TRIO: variants seen among roughly 807,000 people sequenced by gnomAD.
TRIO encodes the protein trio Rho guanine nucleotide exchange factor, also known as triple functional domain protein.
Under a neutral mutation model 351.9 loss-of-function variants are expected in TRIO, and 58 were observed. The observed-to-expected ratio is 0.16, with a 90% CI of 0.13 to 0.21. The LOEUF is 0.21. Ranked by LOEUF, TRIO falls within the 10% of genes least tolerant of loss-of-function variation. The pLI is 1.00. For missense variants in TRIO, 3,201 were observed against 4,027.8 expected (o/e 0.79, Z 5.56); for synonymous variants, 1,758 against 1,595.7 (o/e 1.10, Z -2.42).
At chr5:14,237,680 A>G (rs1793864211) in intron 1 of TRIO, among the ~76,000 whole-genome samples, 1 of 152,236 alleles carries the variant, frequency 6.6e-6, no homozygotes, top group South Asian at 2.1e-4. Context: ...AACCCTCTAC[A>G]TTGATCAGCA....
At chr5:14,494,563 C>G (rs189725313) in intron 49 of TRIO, among the ~76,000 whole-genome samples, 1 of 152,304 alleles carries the variant, frequency 6.6e-6, no homozygotes, top group Admixed American at 6.5e-5. Flanking sequence ...TGCTACAGCC[C>G]ACGGATCAAG....
At chr5:14,270,980 G>T (rs887489245) in intron 2 of TRIO, 81 bp downstream of exon 2, 5 of 954,386 alleles carry the variant, frequency 5.2e-6, no homozygotes, top group Non-Finnish European at 8.2e-6. Context: ...GAACTCACCT[G>T]CCACAACATA....
chr5:14,390,329 C>G, intron 26 of TRIO, 29 bp downstream of exon 26: 1 of 1,608,336 alleles, frequency 6.2e-7, no homozygotes, highest in Non-Finnish European at 8.5e-7. Flanking sequence ...TTTGTTCTCT[C>G]CCAGCTATTA....
In TRIO at chr5:14,280,342, G is replaced by A; in HGVS notation, c.253G>A (p.Gly85Ser). The A allele has an allele frequency of 6.2e-7, 1 of 1,614,092 alleles. No homozygotes were observed. Among genetic ancestry groups the A allele is most frequent in the Non-Finnish European group, 8.5e-7 (1 of 1,180,002 alleles). ...YLSGGRDKRG[G>S]PILTFPARSN... The stretch of plus-strand genomic sequence containing the variant: ...TTTAGGTGGGAGAGATAAACGTGGA[G>A]GTCCCATTTTAACGTTTCCGGCCCG... The change falls in exon 3 of 57, where the codon GGT becomes AGT. Residue 85 changes from glycine (G) to serine (S), a missense_variant. This residue lies in a region of TRIO where 109 missense variants were observed against 134.6 expected (regional missense o/e 0.81). Transcript: ENST00000344204.
chr5:14,241,961 A>C (rs1794153406), intron 1 of TRIO, among the ~76,000 whole-genome samples: 4 of 152,230 alleles, frequency 2.6e-5, no homozygotes, highest in Admixed American at 2.6e-4. Flanking sequence ...CGACACTGTA[A>C]ATATTAATTA....
intron 37 of TRIO, among the ~76,000 whole-genome samples, chr5:14,468,598 G>A (rs996990847): frequency 1.3e-5 from 2 of 152,218 alleles, no homozygotes; most frequent in Non-Finnish European, 1.5e-5. Context: ...ATGCTCTAAC[G>A]TCACATGGGA....
chr5:14,237,540 C>T (rs930801392), intron 1 of TRIO, among the ~76,000 whole-genome samples: 2 of 152,102 alleles, frequency 1.3e-5, no homozygotes, highest in African/African-American at 4.8e-5. Context: ...TTTGGTGGCA[C>T]GCTGGAGATG....
intron 36 of TRIO, among the ~76,000 whole-genome samples, chr5:14,464,752 G>A (rs908116047): frequency 2.0e-5 from 3 of 152,156 alleles, no homozygotes; most frequent in Non-Finnish European, 2.9e-5. Flanking sequence ...ATGCCTCGCC[G>A]CTGTCCTTAA....
intron 9 of TRIO, among the ~76,000 whole-genome samples, chr5:14,324,426 T>G (rs1304872259): frequency 6.6e-6 from 1 of 152,242 alleles, no homozygotes; most frequent in Non-Finnish European, 1.5e-5. Context: ...TGGCTACAGT[T>G]GACAGATGAT....
At chr5:14,176,288 G>A (rs1321757437) in intron 1 of TRIO, among the ~76,000 whole-genome samples, 1 of 152,110 alleles carries the variant, frequency 6.6e-6, no homozygotes, top group Non-Finnish European at 1.5e-5. Context: ...TGGCTAACAC[G>A]GTGAAACCCC....
At chr5:14,173,528 T>C (rs1283136781) in intron 1 of TRIO, among the ~76,000 whole-genome samples, 1 of 152,038 alleles carries the variant, frequency 6.6e-6, no homozygotes, top group Admixed American at 6.6e-5. Flanking sequence ...TGTTCTTAAG[T>C]GTTCTGTGAG....
At chr5:14,402,499 G>A (rs1433275610) in intron 31 of TRIO, among the ~76,000 whole-genome samples, 1 of 152,194 alleles carries the variant, frequency 6.6e-6, no homozygotes, top group Non-Finnish European at 1.5e-5. Flanking sequence ...GGCAGGCGAT[G>A]GTGATGGTGG....
intron 11 of TRIO, among the ~76,000 whole-genome samples, chr5:14,348,634 A>G (rs1742665287): frequency 6.6e-6 from 1 of 152,190 alleles, no homozygotes; most frequent in Non-Finnish European, 1.5e-5. Context: ...GTGTACACAA[A>G]CATGCATGTG....
chr5:14,290,618 T>C (rs928870771), intron 4 of TRIO, 98 bp from the exon 5 acceptor site: 9 of 1,280,164 alleles, frequency 7.0e-6, no homozygotes, highest in Non-Finnish European at 9.6e-6. Flanking sequence ...TAGATTACTT[T>C]AACTTTGAAA....
intron 33 of TRIO, among the ~76,000 whole-genome samples, chr5:14,412,321 A>G (rs1204876407): frequency 6.6e-6 from 1 of 151,854 alleles, no homozygotes; most frequent in African/African-American, 2.4e-5. Context: ...TAGAAAAGCA[A>G]TCAGCTCTTT....
At position 14,451,952 on chromosome 5, in the gene TRIO, G is replaced by C. The variant is rs139050890; in HGVS notation, c.5204-9067G>C. On this transcript the variant is annotated intron_variant, in intron 34 of 56. Transcript: ENST00000344204. ...AACATAAGCTAGCTAAAATCCTTTG[G>C]GGGAGACAGCGTGGAGAATTTGCAA... Among the ~76,000 whole-genome samples, 888 of 152,300 alleles carry C rather than the reference G, an allele frequency of 5.8e-3. 10 individuals are homozygous for C. The highest frequency in any genetic ancestry group is 0.02 in the African/African-American group (837 of 41,562).
intron 1 of TRIO, among the ~76,000 whole-genome samples, chr5:14,168,931 G>A (rs750975657): frequency 2.0e-5 from 3 of 152,228 alleles, no homozygotes; most frequent in Non-Finnish European, 4.4e-5. Context: ...CTTTGTCCAC[G>A]GGTTGGGAAG....
At chr5:14,350,515 C>G (rs761295372) in intron 11 of TRIO, among the ~76,000 whole-genome samples, 3 of 152,206 alleles carry the variant, frequency 2.0e-5, no homozygotes, top group Non-Finnish European at 2.9e-5. Flanking sequence ...TTAGTCACGT[C>G]CATCTTCTGT....
intron 1 of TRIO, among the ~76,000 whole-genome samples, chr5:14,258,164 G>A (rs1282007501): frequency 6.6e-6 from 1 of 152,240 alleles, no homozygotes; most frequent in Admixed American, 6.5e-5. Context: ...CACTTGTAAT[G>A]CTAGTGAAGT....
Sources: allele counts gnomAD v4.1 joint callset (sites outside exome capture counted in the v4.1 genomes callset), GRCh38; gene constraint gnomAD v4.1.1; regional missense constraint gnomAD v4.1.1; transcripts MANE v1.5; gene names NCBI Gene and HGNC (gene_info 2026-07-23, HGNC 2026-07-21).